Variants in NCK1 observed in about 807,000 individuals in gnomAD.
NCK1 encodes the protein SH2/SH3 adapter protein NCK1.
In NCK1, 19 loss-of-function variants were observed where a neutral mutation model predicts 36.6. That is an observed-to-expected ratio of 0.52 (90% CI 0.36 to 0.76). The LOEUF (loss-of-function observed/expected upper bound fraction) is 0.76, where lower values mean the gene tolerates loss of function less well. Among genes scored for constraint, NCK1 ranks in the 30% least tolerant of loss-of-function variants. NCK1 has a pLI of 0.00. For synonymous variants in NCK1, 165 were observed against 156.0 expected (o/e 1.06, Z -0.43); for missense variants, 358 against 445.6 (o/e 0.80, Z 1.77).
chr3:136,932,566 A>G (rs1940421366), intron 2 of NCK1, among the ~76,000 whole-genome samples: 1 of 152,238 alleles, frequency 6.6e-6, no homozygotes, highest in South Asian at 2.1e-4. Context: ...GGAATACCAT[A>G]TATTTATATG....
intron 1 of NCK1, among the ~76,000 whole-genome samples, chr3:136,874,778 G>GA (rs1938720196): frequency 6.8e-6 from 1 of 147,842 alleles, no homozygotes; most frequent in African/African-American, 2.5e-5. Flanking sequence ...ATAGATTCCT[G>GA]TGGAAGACTG....
At chr3:136,934,095 C>T (rs1940461534) in intron 2 of NCK1, among the ~76,000 whole-genome samples, 1 of 152,148 alleles carries the variant, frequency 6.6e-6, no homozygotes, top group South Asian at 2.1e-4. Flanking sequence ...CTGCTATGTA[C>T]TGTAAGTGCT....
chr3:136,928,256 T>C, intron 2 of NCK1, 29 bp downstream of exon 2: 1 of 1,565,412 alleles, frequency 6.4e-7, no homozygotes, highest in South Asian at 1.2e-5. Flanking sequence ...GAAAAGCAAC[T>C]TTGTTTTAAA....
intron 1 of NCK1, 120 bp from the exon 2 acceptor site, chr3:136,927,859 ATTTTT>A (rs1360124287): frequency 2.8e-6 from 2 of 721,648 alleles, no homozygotes; most frequent in Admixed American, 5.8e-5. Flanking sequence ...TGCCTCATGT[ATTTTT>A]TTCCATATTT....
At chr3:136,899,181 A>T (rs1364433087) in intron 1 of NCK1, 7 of 216,628 alleles carry the variant, frequency 3.2e-5, no homozygotes, top group Non-Finnish European at 5.8e-5. Flanking sequence ...CGCTGCTGCT[A>T]TTGCTGCTAC....
intron 1 of NCK1, among the ~76,000 whole-genome samples, chr3:136,882,283 C>G (rs968075936): frequency 1.9e-4 from 29 of 152,046 alleles, no homozygotes; most frequent in Non-Finnish European, 3.7e-4. Context: ...TGATGAGCAT[C>G]TTTTCATATG....
At chr3:136,905,117 A>G (rs1939650484) in intron 1 of NCK1, among the ~76,000 whole-genome samples, 2 of 151,072 alleles carry the variant, frequency 1.3e-5, no homozygotes, top group South Asian at 4.2e-4. Flanking sequence ...GGTTCAAGTG[A>G]TTCTTCTGCC....
chr3:136,879,468 T>A (rs1186069152), intron 1 of NCK1, among the ~76,000 whole-genome samples: 1 of 152,144 alleles, frequency 6.6e-6, no homozygotes, highest in African/African-American at 2.4e-5. Flanking sequence ...TGTAACAGAA[T>A]CTAAAATAAA....
intron 1 of NCK1, among the ~76,000 whole-genome samples, chr3:136,905,554 C>G (rs1250511911): frequency 6.6e-6 from 1 of 151,618 alleles, no homozygotes; most frequent in Non-Finnish European, 1.5e-5. Flanking sequence ...TGTCTGGCCT[C>G]AGAATTCTCT....
rs925198712 is a variant in NCK1 at position 136,946,311 on chromosome 3, G to A, written c.939+16G>A. The A allele has an allele frequency of 1.3e-6, 2 of 1,583,926 alleles. No individual in the cohort carries two copies. The highest frequency in any genetic ancestry group is 1.7e-6 in the Non-Finnish European group (2 of 1,157,864). On this transcript the variant is annotated intron_variant, in intron 3 of 3. Coordinates refer to ENST00000481752, the MANE Select transcript of NCK1 (RefSeq NM_001291999.2). ...TGAATCTTCGGTAAGTTGATTTTCG[G>A]AGGTAAATACAAATAGAGCTCTGGG...
intron 1 of NCK1, among the ~76,000 whole-genome samples, chr3:136,896,143 C>A (rs894285685): frequency 6.6e-6 from 1 of 152,146 alleles, no homozygotes; most frequent in Non-Finnish European, 1.5e-5. Flanking sequence ...GTGTTGGGAA[C>A]ATTTAAAGTC....
intron 2 of NCK1, among the ~76,000 whole-genome samples, chr3:136,942,491 C>T (rs1940704465): frequency 1.3e-5 from 2 of 152,130 alleles, no homozygotes; most frequent in African/African-American, 4.8e-5. Context: ...AAAGAAAAAA[C>T]AAACAAACAA....
intron 1 of NCK1, among the ~76,000 whole-genome samples, chr3:136,898,510 A>G (rs991941508): frequency 2.6e-5 from 4 of 152,128 alleles, no homozygotes; most frequent in African/African-American, 4.8e-5. Flanking sequence ...TCTATTTGTT[A>G]TAGAATAACC....
chr3:136,896,692 G>A (rs1362472622), intron 1 of NCK1, among the ~76,000 whole-genome samples: 2 of 152,016 alleles, frequency 1.3e-5, no homozygotes, highest in African/African-American at 4.8e-5. Flanking sequence ...TAGAAATGGG[G>A]GTCTCACTAT....
At chr3:136,888,639 C>T (rs1576954095) in intron 1 of NCK1, among the ~76,000 whole-genome samples, 1 of 151,588 alleles carries the variant, frequency 6.6e-6, no homozygotes, top group South Asian at 2.1e-4. Context: ...CTTGACCTCG[C>T]GAGCCACCGC....
chr3:136,875,159 C>T (rs919302210), intron 1 of NCK1, among the ~76,000 whole-genome samples: 1 of 152,106 alleles, frequency 6.6e-6, no homozygotes, highest in African/African-American at 2.4e-5. Flanking sequence ...CATAACAATA[C>T]CACAGTCTGC....
At chr3:136,879,989 T>TAAAA (rs891612999) in intron 1 of NCK1, among the ~76,000 whole-genome samples, 1 of 119,508 alleles carries the variant, frequency 8.4e-6, no homozygotes, top group Admixed American at 9.6e-5. Flanking sequence ...TAAAGAATAT[T>TAAAA]AAAAAAAAAA....
intron 1 of NCK1, among the ~76,000 whole-genome samples, chr3:136,902,347 G>A (rs1406997803): frequency 6.6e-6 from 1 of 151,944 alleles, no homozygotes; most frequent in Non-Finnish European, 1.5e-5. Context: ...ACAGGTGCAT[G>A]CCACCATGCC....
chr3:136,866,550 A>G (rs1938417310), intron 1 of NCK1, among the ~76,000 whole-genome samples: 1 of 151,246 alleles, frequency 6.6e-6, no homozygotes. Context: ...CAGGTGATCT[A>G]CACATCTCAG....
Sources: gnomAD v4.1 joint callset for allele counts (sites outside exome capture counted in the v4.1 genomes callset) on GRCh38, gnomAD v4.1.1 for gene constraint, MANE v1.5 for transcripts, NCBI Gene and HGNC (gene_info 2026-07-23, HGNC 2026-07-21) for gene names.